Variants in FRYL observed in about 807,000 individuals in gnomAD.
The protein encoded by FRYL is protein furry homolog-like.
FRYL carries 150 observed loss-of-function variants against 351.2 expected under a neutral mutation model. The observed-to-expected ratio is 0.43, with a 90% CI of 0.37 to 0.49. FRYL has a LOEUF of 0.49. Ranked by LOEUF, FRYL falls within the 20% of genes least tolerant of loss-of-function variation. FRYL has a pLI of 0.00. For synonymous variants in FRYL, 1,153 were observed against 1,257.1 expected, an observed-to-expected ratio of 0.92 and a Z score of 1.75; for missense variants, 3,036 against 3,619.3, an observed-to-expected ratio of 0.84 and a Z score of 4.13.
At chr4:48,709,899 G>A (rs1458505553) in intron 2 of FRYL, among the ~76,000 whole-genome samples, 12 of 152,126 alleles carry the variant, frequency 7.9e-5, no homozygotes, top group Non-Finnish European at 1.5e-4. Context: ...TTCTTAAACA[G>A]TAGGCATTGG....
At chr4:48,757,451 C>T (rs1303808410) in intron 1 of FRYL, among the ~76,000 whole-genome samples, 1 of 152,134 alleles carries the variant, frequency 6.6e-6, no homozygotes, top group African/African-American at 2.4e-5. Context: ...CAATAACAGA[C>T]AAACAGAGAA....
In FRYL at chr4:48,658,738, TGA is replaced by T. The variant is rs535810286; in HGVS notation, c.-80-24250_-80-24249del. The stretch of plus-strand genomic sequence containing the variant: ...CACTGCACTCCTGCCTGAGTGACAG[TGA>T]GACCTTCATAAATAAATAAATAAAT... On this transcript the variant is annotated intron_variant, in intron 3 of 63. Coordinates refer to ENST00000358350, the MANE Select transcript of FRYL (RefSeq NM_015030.2). Among the ~76,000 whole-genome samples, 5 of 133,710 alleles carry T rather than the reference TGA, an allele frequency of 3.7e-5. No individual in the cohort carries two copies. In the South Asian group the frequency reaches 1.3e-3, roughly 36 times the overall value. 87.7% of individuals were successfully genotyped at this position (133,710 alleles called of 152,430 possible).
chr4:48,690,463 A>T (rs1453906668), intron 2 of FRYL, among the ~76,000 whole-genome samples: 1 of 152,140 alleles, frequency 6.6e-6, no homozygotes, highest in Non-Finnish European at 1.5e-5. Flanking sequence ...CCCTTAAGTT[A>T]AAATGCTCTT....
intron 18 of FRYL, among the ~76,000 whole-genome samples, chr4:48,588,872 A>G (rs769603330): frequency 7.2e-5 from 11 of 152,210 alleles, no homozygotes; most frequent in African/African-American, 1.7e-4. Flanking sequence ...AAGTTAATGC[A>G]GTTACAGAAG....
At chr4:48,732,196 T>C (rs1278490825) in intron 1 of FRYL, among the ~76,000 whole-genome samples, 2 of 152,128 alleles carry the variant, frequency 1.3e-5, no homozygotes, top group African/African-American at 2.4e-5. Context: ...CACAGGTCAT[T>C]AGAGAAATGC....
intron 3 of FRYL, among the ~76,000 whole-genome samples, chr4:48,660,074 A>G (rs1176163263): frequency 6.6e-6 from 1 of 151,916 alleles, no homozygotes; most frequent in African/African-American, 2.4e-5. Flanking sequence ...ATCTTGGAGT[A>G]TCAGAAACAA....
intron 1 of FRYL, among the ~76,000 whole-genome samples, chr4:48,711,664 A>G (rs2149591757): frequency 6.6e-6 from 1 of 152,400 alleles, no homozygotes; most frequent in Non-Finnish European, 1.5e-5. Flanking sequence ...AGACAGCAGT[A>G]ACCTCTGCAG....
At chr4:48,740,948 T>G (rs1378417098) in intron 1 of FRYL, among the ~76,000 whole-genome samples, 1 of 151,826 alleles carries the variant, frequency 6.6e-6, no homozygotes, top group Non-Finnish European at 1.5e-5. Flanking sequence ...AAAGCCTACA[T>G]ATGGATACTT....
intron 4 of FRYL, among the ~76,000 whole-genome samples, chr4:48,632,693 GA>G (rs1560755401): frequency 1.3e-5 from 2 of 151,974 alleles, no homozygotes; most frequent in African/African-American, 4.8e-5. Flanking sequence ...GCACAGTTTT[GA>G]AATATACATT....
At chr4:48,510,014 T>G in intron 59 of FRYL, 45 bp downstream of exon 59, 1 of 1,252,176 alleles carries the variant, frequency 8.0e-7, no homozygotes, top group Non-Finnish European at 1.2e-6. Flanking sequence ...ACCCTTCCAG[T>G]GTCAAGAGCA....
chr4:48,696,296 G>A (rs1766156926), intron 2 of FRYL, among the ~76,000 whole-genome samples: 1 of 152,114 alleles, frequency 6.6e-6, no homozygotes, highest in Admixed American at 6.6e-5. Context: ...ATCAATGATA[G>A]ACTGGATAAA....
In FRYL at chr4:48,580,969, T is replaced by C. The variant is rs760122872; in HGVS notation, c.2173-18A>G. 20 of 1,517,828 alleles carry C rather than the reference T, an allele frequency of 1.3e-5. No homozygotes were observed. The highest frequency in any genetic ancestry group is 1.8e-5 in the Non-Finnish European group (20 of 1,120,702). 94.0% of individuals were successfully genotyped at this position (1,517,828 alleles called of 1,614,324 possible). The stretch of plus-strand genomic sequence containing the variant: ...TCATCACCCTGTAAAAAAGACATCA[T>C]ATGTCTAAAAAAATTAGGAATGTTT... On this transcript the variant is annotated intron_variant, in intron 21 of 63. Coordinates refer to ENST00000358350, the MANE Select transcript of FRYL (RefSeq NM_015030.2).
chr4:48,578,141 A>T (rs959361139), intron 23 of FRYL, among the ~76,000 whole-genome samples: 1 of 152,176 alleles, frequency 6.6e-6, no homozygotes, highest in African/African-American at 2.4e-5. Context: ...AAAGCTCACA[A>T]AATGGAAACT....
intron 1 of FRYL, among the ~76,000 whole-genome samples, chr4:48,731,122 G>A (rs1177126259): frequency 6.6e-6 from 1 of 151,834 alleles, no homozygotes; most frequent in African/African-American, 2.4e-5. Context: ...AAGAAACAAA[G>A]AAGGCCATTA....
chr4:48,592,101 T>TATATATATATATATACATATATATAC (rs1158547540), intron 16 of FRYL, among the ~76,000 whole-genome samples: 2 of 45,042 alleles, frequency 4.4e-5, no homozygotes, highest in Non-Finnish European at 1.2e-4. Context: ...TATATATATA[T>TATATATATATATATACATATATATAC]ATATATATAT....
chr4:48,755,740 C>T (rs180889906), intron 1 of FRYL, among the ~76,000 whole-genome samples: 101 of 152,118 alleles, frequency 6.6e-4, no homozygotes, highest in Non-Finnish European at 1.3e-3. Context: ...TTAGATCATA[C>T]TAGGCTTCAA....
At chr4:48,582,798 C>G in intron 19 of FRYL, 64 bp from the exon 20 acceptor site, 1 of 1,062,384 alleles carries the variant, frequency 9.4e-7, no homozygotes, top group South Asian at 1.3e-5. Flanking sequence ...TCATCTGAAA[C>G]TTAAAACTAT....
At chr4:48,571,106 AATAAGGTCACATG>A (rs1738220010) in intron 26 of FRYL, among the ~76,000 whole-genome samples, 188 bp from the exon 27 acceptor site, 1 of 152,246 alleles carries the variant, frequency 6.6e-6, no homozygotes, top group Non-Finnish European at 1.5e-5. Flanking sequence ...GAATGAGTCA[AATAAGGTCACATG>A]ACATCTTACA....
intron 7 of FRYL, among the ~76,000 whole-genome samples, chr4:48,610,267 T>C (rs552907756): frequency 6.7e-4 from 102 of 152,286 alleles, no homozygotes; most frequent in African/African-American, 2.4e-3. Flanking sequence ...AAACTATTTA[T>C]AGACTTATTA....
Sources: gnomAD v4.1 joint callset for allele counts (sites outside exome capture counted in the v4.1 genomes callset) on GRCh38, gnomAD v4.1.1 for gene constraint, MANE v1.5 for transcripts, NCBI Gene and HGNC (gene_info 2026-07-23, HGNC 2026-07-21) for gene names.